Variants in TSNARE1 observed in about 807,000 individuals in gnomAD.
TSNARE1 encodes t-SNARE domain containing 1, also known as t-SNARE domain-containing protein 1.
TSNARE1 carries 49 observed loss-of-function variants against 62.0 expected under a neutral mutation model. The ratio of observed to expected loss-of-function variants is 0.79; its 90% CI spans 0.63 to 1.00. TSNARE1 has a LOEUF of 1.00. Ranked by LOEUF, TSNARE1 falls within the 50% of genes least tolerant of loss-of-function variation. TSNARE1 has a pLI of 0.00. For missense variants in TSNARE1, 755 were observed against 700.1 expected (o/e 1.08, Z -0.88); for synonymous variants, 328 against 294.4 (o/e 1.11, Z -1.17).
intron 4 of TSNARE1, among the ~76,000 whole-genome samples, chr8:142,343,187 G>A (rs891319730): frequency 7.9e-5 from 12 of 152,200 alleles, no homozygotes; most frequent in African/African-American, 2.4e-4. Context: ...AGCAGATGCT[G>A]CCTCCCAGGT....
rs1586725972 is a variant in TSNARE1 at position 142,311,289 on chromosome 8, A to AGTTTTTTTTTTTGTTTTT, written c.1131+3094_1131+3095insAAAAACAAAAAAAAAAAC. Among the ~76,000 whole-genome samples, 4 of 68,806 alleles carry AGTTTTTTTTTTTGTTTTT rather than the reference A, an allele frequency of 5.8e-5. No individual in the cohort carries two copies. In the East Asian group the frequency reaches 1.7e-3, roughly 30 times the overall value. The allele number at this position is 68,806 out of a possible 152,430, so 45.1% of individuals were successfully genotyped here. On this transcript the variant is annotated intron_variant, in intron 9 of 13. Coordinates refer to ENST00000524325, the MANE Select transcript of TSNARE1 (RefSeq NM_145003.5). ...GCGATTCTCCTGCCTCAGCCTCTCT[A>AGTTTTTTTTTTTGTTTTT]GTTTTTTTTTTTTTTTTTTTTTTTT...
intron 12 of TSNARE1, among the ~76,000 whole-genome samples, chr8:142,268,264 A>G (rs1819241945): frequency 6.6e-6 from 1 of 152,226 alleles, no homozygotes; most frequent in Non-Finnish European, 1.5e-5. Flanking sequence ...AAACTGTCCT[A>G]GAGTGCAAAG....
At chr8:142,314,904 A>C (rs1828277430) in intron 8 of TSNARE1, 99 bp downstream of exon 8, 1 of 1,161,694 alleles carries the variant, frequency 8.6e-7, no homozygotes, top group Non-Finnish European at 1.3e-6. Context: ...ATGGGGCTGC[A>C]CCAGGCCCAC....
intron 11 of TSNARE1, among the ~76,000 whole-genome samples, chr8:142,279,667 C>T (rs921258648): frequency 2.0e-5 from 3 of 152,150 alleles, no homozygotes; most frequent in Admixed American, 1.3e-4. Context: ...TCCCTGGCCC[C>T]GACCCTTGGT....
At chr8:142,301,855 C>G (rs561931035) in intron 9 of TSNARE1, among the ~76,000 whole-genome samples, 2 of 152,186 alleles carry the variant, frequency 1.3e-5, no homozygotes, top group Non-Finnish European at 2.9e-5. Flanking sequence ...TGAGGCAGAG[C>G]GAGGTGGGGC....
chr8:142,385,063 G>T (rs957793010), intron 1 of TSNARE1, among the ~76,000 whole-genome samples: 2 of 151,924 alleles, frequency 1.3e-5, no homozygotes, highest in Non-Finnish European at 2.9e-5. Flanking sequence ...AGAGAAAAGC[G>T]AATGAAATGA....
chr8:142,334,653 G>A (rs1249696522), intron 4 of TSNARE1, among the ~76,000 whole-genome samples: 2 of 152,168 alleles, frequency 1.3e-5, no homozygotes, highest in African/African-American at 4.8e-5. Flanking sequence ...TACATTATAG[G>A]CAAACTGCAG....
intron 10 of TSNARE1, among the ~76,000 whole-genome samples, chr8:142,299,155 C>T (rs1399275125): frequency 2.0e-5 from 3 of 152,164 alleles, no homozygotes; most frequent in African/African-American, 7.2e-5. Context: ...GAGAAATGGG[C>T]GCTCCTCCAC....
intron 12 of TSNARE1, among the ~76,000 whole-genome samples, chr8:142,256,370 T>TCAC (rs1563782828): frequency 0.017 from 9 of 516 alleles, no homozygotes; most frequent in African/African-American, 0.029. Context: ...ACCACCATCA[T>TCAC]CACCACCATC....
chr8:142,284,649 G>C (rs1822377810), intron 10 of TSNARE1, among the ~76,000 whole-genome samples, 164 bp from the exon 11 acceptor site: 1 of 152,182 alleles, frequency 6.6e-6, no homozygotes, highest in Non-Finnish European at 1.5e-5. Context: ...TCCTGTGACA[G>C]AAGGCATGAC....
intron 9 of TSNARE1, among the ~76,000 whole-genome samples, chr8:142,304,609 G>A (rs1003805948): frequency 1.3e-5 from 2 of 152,226 alleles, no homozygotes; most frequent in Non-Finnish European, 2.9e-5. Context: ...TGTGGGCCTG[G>A]GGAGGGTCCT....
At chr8:142,305,830 C>G (rs1586694419) in intron 9 of TSNARE1, among the ~76,000 whole-genome samples, 1 of 152,298 alleles carries the variant, frequency 6.6e-6, no homozygotes, top group African/African-American at 2.4e-5. Context: ...CCACAGGGCT[C>G]AGGGCCTGGG....
chr8:142,236,930 C>T (rs1332838270), intron 12 of TSNARE1, among the ~76,000 whole-genome samples: 1 of 152,182 alleles, frequency 6.6e-6, no homozygotes, highest in East Asian at 1.9e-4. Flanking sequence ...GGAAAATGGG[C>T]AGGGGCTGGT....
rs545242571 is a variant in TSNARE1 at position 142,286,973 on chromosome 8, C to T, written c.1291-2488G>A. Among the ~76,000 whole-genome samples the T allele has an allele frequency of 7.2e-5, 11 of 152,340 alleles. No homozygotes were observed. In the South Asian group the frequency reaches 1.2e-3, roughly 17 times the overall value. ...TTATTGCTGCATTTGACAGGGAAGA[C>T]GGAACCTGAGTCACTGAGAGGGTTA... On this transcript the variant is annotated intron_variant, in intron 10 of 13. Coordinates refer to ENST00000524325, the MANE Select transcript of TSNARE1 (RefSeq NM_145003.5).
At chr8:142,262,715 G>A (rs112862872) in intron 12 of TSNARE1, among the ~76,000 whole-genome samples, 2 of 152,196 alleles carry the variant, frequency 1.3e-5, no homozygotes, top group African/African-American at 2.4e-5. Flanking sequence ...CATGTAAGAC[G>A]TGCCTACTTC....
intron 12 of TSNARE1, among the ~76,000 whole-genome samples, chr8:142,258,030 T>C (rs1392594328): frequency 6.6e-6 from 1 of 152,080 alleles, no homozygotes; most frequent in African/African-American, 2.4e-5. Context: ...TATACACACA[T>C]GCACACATGC....
At chr8:142,348,023 A>G (rs1179621748) in intron 2 of TSNARE1, among the ~76,000 whole-genome samples, 1 of 152,248 alleles carries the variant, frequency 6.6e-6, no homozygotes, top group Admixed American at 6.5e-5. Flanking sequence ...AACCTAGAAC[A>G]TGGCAGGGAC....
At chr8:142,213,813 T>C (rs1016485412) in intron 13 of TSNARE1, among the ~76,000 whole-genome samples, 6 of 152,160 alleles carry the variant, frequency 3.9e-5, no homozygotes, top group African/African-American at 1.4e-4. Flanking sequence ...CCACGTGATG[T>C]GCAGGCGGCT....
intron 12 of TSNARE1, among the ~76,000 whole-genome samples, chr8:142,265,124 T>TTGTATGTGTGTGTG (rs1554632294): frequency 6.6e-6 from 1 of 151,096 alleles, no homozygotes; most frequent in African/African-American, 2.4e-5. Flanking sequence ...TCTACTCAGT[T>TTGTATGTGTGTGTG]TGTGTGTGTG....
Sources: gnomAD v4.1 joint callset for allele counts (sites outside exome capture counted in the v4.1 genomes callset) on GRCh38, gnomAD v4.1.1 for gene constraint, MANE v1.5 for transcripts, NCBI Gene and HGNC (gene_info 2026-07-23, HGNC 2026-07-21) for gene names.